COPB1: variants seen among roughly 807,000 people sequenced by gnomAD.
COPB1 encodes coat protein complex I subunit beta 1.
Under a neutral mutation model 108.7 loss-of-function variants are expected in COPB1, and 21 were observed. That is an observed-to-expected ratio of 0.19 (90% CI 0.14 to 0.28). The LOEUF (loss-of-function observed/expected upper bound fraction) is 0.28, where lower values mean the gene tolerates loss of function less well. Among genes scored for constraint, COPB1 ranks in the 10% least tolerant of loss-of-function variants. COPB1 has a pLI of 1.00. For synonymous variants in COPB1, 378 were observed against 386.8 expected, an observed-to-expected ratio of 0.98 and a Z score of 0.27; for missense variants, 919 against 1,141.3, an observed-to-expected ratio of 0.81 and a Z score of 2.81.
At chr11:14,493,960 A>G (rs1357821660) in intron 3 of COPB1, 149 bp from the exon 4 acceptor site, 1 of 746,192 alleles carries the variant, frequency 1.3e-6, no homozygotes, top group Non-Finnish European at 2.1e-6. Flanking sequence ...TGACTGAAGC[A>G]ATTTTTACCT....
intron 18 of COPB1, among the ~76,000 whole-genome samples, chr11:14,461,848 C>T (rs1850160850): frequency 6.6e-6 from 1 of 152,164 alleles, no homozygotes; most frequent in Non-Finnish European, 1.5e-5. Context: ...CCAGGACCCC[C>T]TATGGATACC....
chr11:14,498,250 GC>G (rs1851071496), intron 2 of COPB1, among the ~76,000 whole-genome samples: 1 of 152,162 alleles, frequency 6.6e-6, no homozygotes, highest in South Asian at 2.1e-4. Flanking sequence ...TGTATTGCAT[GC>G]CTGTATCAAA....
chr11:14,470,899 T>TAC (rs56957263), intron 14 of COPB1, among the ~76,000 whole-genome samples: 6,627 of 134,596 alleles, frequency 0.049, 197 homozygotes, highest in Non-Finnish European at 0.064. Flanking sequence ...GTGGAAGAAA[T>TAC]ACACACACAC....
chr11:14,473,606 C>CG (rs1187357169), intron 14 of COPB1, among the ~76,000 whole-genome samples: 2 of 152,086 alleles, frequency 1.3e-5, no homozygotes, highest in Non-Finnish European at 2.9e-5. Context: ...TTATTGATTA[C>CG]GTTTACTATT....
At position 14,490,643 on chromosome 11, in the gene COPB1, C is replaced by T; in HGVS notation, c.528G>A (p.Leu176=). ...TCTCATTCACCAGAAAATCATGTAT[C>T]AGTTCAGGAGCATCAGGTATAAGAT... The part of the protein sequence containing the change: ...FEHLIPDAPE[L]IHDFLVNEKD... The change falls in exon 5 of 22, where the codon CTG becomes CTA. Residue 176 remains leucine (L), a synonymous_variant. Transcript: ENST00000439561. The T allele has an allele frequency of 6.2e-7, 1 of 1,612,872 alleles. No individual in the cohort carries two copies.
chr11:14,499,571 GCCCCCACCCCGA>G (rs965262326), intron 1 of COPB1, 124 bp downstream of exon 1: 1 of 130,698 alleles, frequency 7.7e-6, no homozygotes. Flanking sequence ...CTAGCCCTCC[GCCCCCACCCCGA>G]CCCGCACCCC....
Position 14,457,717 on chromosome 11 carries a change from G to T in COPB1, c.*107C>A. On this transcript the variant is annotated 3_prime_UTR_variant, in exon 22 of 22. Transcript: ENST00000439561. ...TAAATTATTGGCTGAAAAGTATTCA[G>T]CATGAACTCAGATTCTATATAAGCA... The T allele has an allele frequency of 1.3e-6, 1 of 742,274 alleles. No homozygotes were observed. The highest frequency in any genetic ancestry group is 2.4e-6 in the Non-Finnish European group (1 of 419,246). 46.0% of individuals were successfully genotyped at this position (742,274 alleles called of 1,614,324 possible).
intron 19 of COPB1, among the ~76,000 whole-genome samples, chr11:14,460,967 T>C (rs1205497619): frequency 6.6e-6 from 1 of 152,204 alleles, no homozygotes; most frequent in African/African-American, 2.4e-5. Context: ...CCTATCAGAT[T>C]GGCTATAGAA....
At chr11:14,482,321 G>A (rs1289731866) in intron 8 of COPB1, among the ~76,000 whole-genome samples, 1 of 151,934 alleles carries the variant, frequency 6.6e-6, no homozygotes, top group Non-Finnish European at 1.5e-5. Flanking sequence ...CTGCCATGGG[G>A]TTTTATTTTT....
chr11:14,491,630 T>C (rs1429778969), intron 4 of COPB1, among the ~76,000 whole-genome samples: 2 of 148,630 alleles, frequency 1.3e-5, no homozygotes, highest in South Asian at 2.1e-4. Flanking sequence ...GATCGTGCCA[T>C]TGCACTCGAG....
Position 14,462,050 on chromosome 11 carries a change from T to A in COPB1, c.2411-719A>T, listed in dbSNP as rs1159109600. Among the ~76,000 whole-genome samples the A allele has an allele frequency of 2.0e-5, 3 of 152,038 alleles. No homozygotes were observed. In the East Asian group the frequency reaches 5.8e-4, roughly 29 times the overall value. ...GGAAAAAATGTCTATATATGTTCAG[T>A]ATAGACACAACCATTTTTTTTTTTT... On this transcript the variant is annotated intron_variant, in intron 18 of 21. Transcript: ENST00000439561.
At chr11:14,497,720 AT>A (rs1307800939) in intron 2 of COPB1, among the ~76,000 whole-genome samples, 1 of 152,240 alleles carries the variant, frequency 6.6e-6, no homozygotes, top group Non-Finnish European at 1.5e-5. Flanking sequence ...AAATGAGTAC[AT>A]CAAAGAGATA....
chr11:14,477,389 CAAAAAA>C lies in COPB1; in HGVS notation c.1359-380_1359-375del, dbSNP rs61014253. Among the ~76,000 whole-genome samples, 46 of 73,286 alleles carry C rather than the reference CAAAAAA, an allele frequency of 6.3e-4. 1 individual carries two copies. The highest frequency in any genetic ancestry group is 2.2e-3 in the African/African-American group (41 of 18,814). The allele number at this position is 73,286 out of a possible 152,430, so 48.1% of individuals were successfully genotyped here. On this transcript the variant is annotated intron_variant, in intron 11 of 21. Coordinates refer to ENST00000439561, the MANE Select transcript of COPB1 (RefSeq NM_001144061.2). ...TGGGTGACAGAGCGAGACTCCGTCT[CAAAAAA>C]AAAAAAAAAACAAGGGCCAGGCACG...
chr11:14,498,987 T>G lies in COPB1; in HGVS notation c.-57-2A>C, dbSNP rs2290169. 3 of 1,374,780 alleles carry G rather than the reference T, an allele frequency of 2.2e-6. No individual in the cohort carries two copies. In the South Asian group the frequency reaches 3.9e-5, roughly 18 times the overall value. The allele number at this position is 1,374,780 out of a possible 1,614,324, so 85.2% of individuals were successfully genotyped here. On this transcript the variant is annotated splice_acceptor_variant, in intron 1 of 21. Transcript: ENST00000439561. LOFTEE classifies it low-confidence loss of function (5UTR_SPLICE). ...CAAGATTTAAGGATGCCAGAAAATCTAGAAAAATAAACACAGACATATCAT... is the reference window on the plus strand; with the variant it reads ...CAAGATTTAAGGATGCCAGAAAATCGAGAAAAATAAACACAGACATATCAT...
At chr11:14,494,123 A>G in intron 3 of COPB1, 87 bp downstream of exon 3, 1 of 906,544 alleles carries the variant, frequency 1.1e-6, no homozygotes, top group Non-Finnish European at 1.7e-6. Flanking sequence ...TCAAAGACTC[A>G]ATTTTAACAA....
intron 14 of COPB1, among the ~76,000 whole-genome samples, chr11:14,471,445 G>C (rs1051348425): frequency 7.2e-5 from 11 of 152,128 alleles, no homozygotes; most frequent in Non-Finnish European, 1.5e-4. Flanking sequence ...AAATGTTGGA[G>C]ACTTTTAAAA....
At chr11:14,484,095 A>G (rs1443681216) in intron 7 of COPB1, among the ~76,000 whole-genome samples, 1 of 152,240 alleles carries the variant, frequency 6.6e-6, no homozygotes, top group Non-Finnish European at 1.5e-5. Context: ...TACAACCTCA[A>G]TCTGAGAAAA....
At chr11:14,486,906 T>C (rs753648402) in intron 6 of COPB1, among the ~76,000 whole-genome samples, 11 of 152,154 alleles carry the variant, frequency 7.2e-5, no homozygotes, top group African/African-American at 1.2e-4. Context: ...GTAACAAAAG[T>C]AAGGACACAT....
At position 14,476,910 on chromosome 11, in the gene COPB1, A is replaced by G; in HGVS notation, c.1455+9T>C. 1 of 1,568,082 alleles carries G rather than the reference A, an allele frequency of 6.4e-7. No individual in the cohort carries two copies. On this transcript the variant is annotated intron_variant, in intron 12 of 21. Coordinates refer to ENST00000439561, the MANE Select transcript of COPB1 (RefSeq NM_001144061.2). ...CATATAAACTAACATTTACTAAAGT[A>G]AAACATACCTCTCCAAGGGACCTGC...
Sources: gnomAD v4.1 joint callset for allele counts (sites outside exome capture counted in the v4.1 genomes callset) on GRCh38, gnomAD v4.1.1 for gene constraint, MANE v1.5 for transcripts, NCBI Gene and HGNC (gene_info 2026-07-23, HGNC 2026-07-21) for gene names.